Variants in RGS6 observed in about 807,000 individuals in gnomAD.
RGS6 encodes regulator of G-protein signaling 6.
RGS6 carries 30 observed loss-of-function variants against 78.5 expected under a neutral mutation model. The ratio of observed to expected loss-of-function variants is 0.38; its 90% confidence interval spans 0.29 to 0.52. The LOEUF (loss-of-function observed/expected upper bound fraction) is 0.52. Among genes scored for constraint, RGS6 ranks in the 20% least tolerant of loss-of-function variants. RGS6 has a pLI of 0.85. For synonymous variants in RGS6, 206 were observed against 206.0 expected, an observed-to-expected ratio of 1.00 and a Z score of 0.00; for missense variants, 495 against 609.7, an observed-to-expected ratio of 0.81 and a Z score of 1.98.
At chr14:72,231,604 A>C (rs1023326506) in intron 2 of RGS6, among the ~76,000 whole-genome samples, 2 of 152,294 alleles carry the variant, frequency 1.3e-5, no homozygotes, top group South Asian at 4.1e-4. Flanking sequence ...TGTTATGAAG[A>C]ATAGTAAAGC....
At chr14:72,580,256 T>C in the RGS6 span, among the ~76,000 whole-genome samples, 99 of 151,242 alleles carry the variant, frequency 6.5e-4, no homozygotes, top group Non-Finnish European at 1.1e-3. Context: ...ATGTCCTGCC[T>C]TGTGACTCAG....
the RGS6 span, among the ~76,000 whole-genome samples, chr14:72,581,261 T>G: frequency 6.6e-6 from 1 of 152,200 alleles, no homozygotes; most frequent in African/African-American, 2.4e-5. Context: ...TTGGGGTTCC[T>G]TGTCTTACTT....
intron 15 of RGS6, among the ~76,000 whole-genome samples, chr14:72,519,269 G>A (rs1200016648): frequency 6.6e-6 from 1 of 152,176 alleles, no homozygotes; most frequent in Admixed American, 6.5e-5. Flanking sequence ...ACGGCTGGGA[G>A]GTGCCATTTC....
At chr14:71,979,048 C>A (rs965607796) in intron 2 of RGS6, among the ~76,000 whole-genome samples, 1 of 151,486 alleles carries the variant, frequency 6.6e-6, no homozygotes, top group South Asian at 2.1e-4. Flanking sequence ...AGTTTATTTG[C>A]GTAGAGGTGT....
At chr14:72,321,896 C>G (rs2072184437) in intron 2 of RGS6, among the ~76,000 whole-genome samples, 1 of 151,954 alleles carries the variant, frequency 6.6e-6, no homozygotes, top group Non-Finnish European at 1.5e-5. Context: ...CCAGAACTGA[C>G]TATACTTTAG....
At chr14:72,163,747 G>A (rs1444206349) in intron 2 of RGS6, among the ~76,000 whole-genome samples, 2 of 152,110 alleles carry the variant, frequency 1.3e-5, no homozygotes, top group Admixed American at 1.3e-4. Flanking sequence ...GCCAGGTGTG[G>A]TGGCACTCAC....
intron 17 of RGS6, 29 bp downstream of exon 17, chr14:72,540,123 CT>C: frequency 6.4e-7 from 1 of 1,561,406 alleles, no homozygotes; most frequent in Non-Finnish European, 8.6e-7. Flanking sequence ...CTTCCCTCAG[CT>C]TTTCTTTTGG....
intron 2 of RGS6, among the ~76,000 whole-genome samples, chr14:72,314,772 A>C (rs1339097326): frequency 6.6e-6 from 1 of 152,238 alleles, no homozygotes; most frequent in Non-Finnish European, 1.5e-5. Context: ...GGAAATTTAA[A>C]ACAGGAAATA....
intron 2 of RGS6, among the ~76,000 whole-genome samples, chr14:72,005,171 A>C (rs1681582851): frequency 6.6e-6 from 1 of 152,232 alleles, no homozygotes; most frequent in African/African-American, 2.4e-5. Flanking sequence ...AGAAGCCATT[A>C]ATAAAATAGT....
chr14:72,413,681 G>A (rs2093598502), intron 3 of RGS6, among the ~76,000 whole-genome samples: 1 of 152,116 alleles, frequency 6.6e-6, no homozygotes, highest in Non-Finnish European at 1.5e-5. Context: ...TTACAATTTG[G>A]CATGTTTTTG....
intron 2 of RGS6, among the ~76,000 whole-genome samples, chr14:72,211,763 A>G (rs1255346553): frequency 1.3e-5 from 2 of 152,192 alleles, no homozygotes; most frequent in Admixed American, 6.5e-5. Flanking sequence ...TTAGGAAACC[A>G]TGTCCAGCCC....
At chr14:72,328,118 A>T (rs2074210027) in intron 2 of RGS6, among the ~76,000 whole-genome samples, 1 of 152,116 alleles carries the variant, frequency 6.6e-6, no homozygotes, top group Non-Finnish European at 1.5e-5. Flanking sequence ...CAAGGGAAGG[A>T]GGGAATTTAC....
the RGS6 span, among the ~76,000 whole-genome samples, chr14:71,880,408 G>T: frequency 6.6e-6 from 1 of 152,220 alleles, no homozygotes; most frequent in African/African-American, 2.4e-5. Flanking sequence ...GGGAATGTCA[G>T]AAGTCTTCAC....
chr14:72,222,922 G>A (rs1025506014), intron 2 of RGS6, among the ~76,000 whole-genome samples: 7 of 152,226 alleles, frequency 4.6e-5, no homozygotes, highest in African/African-American at 1.7e-4. Context: ...TATTTCCTGA[G>A]CAGTTTTATT....
At chr14:72,545,055 A>G (rs1363394177) in intron 17 of RGS6, among the ~76,000 whole-genome samples, 1 of 152,240 alleles carries the variant, frequency 6.6e-6, no homozygotes, top group Non-Finnish European at 1.5e-5. Flanking sequence ...ATGAGTTCCC[A>G]AATACCTAGA....
intron 2 of RGS6, among the ~76,000 whole-genome samples, chr14:72,075,869 A>G (rs1188621503): frequency 6.6e-6 from 1 of 152,176 alleles, no homozygotes; most frequent in Non-Finnish European, 1.5e-5. Context: ...CTAAAACCTC[A>G]TCAGTTGTCT....
At chr14:71,910,249 A>G in the RGS6 span, among the ~76,000 whole-genome samples, 1 of 152,144 alleles carries the variant, frequency 6.6e-6, no homozygotes, top group African/African-American at 2.4e-5. Flanking sequence ...AGCAGAGAAG[A>G]GCTCTCTCTG....
the RGS6 span, among the ~76,000 whole-genome samples, chr14:71,886,014 C>G: frequency 6.6e-6 from 1 of 151,280 alleles, no homozygotes; most frequent in African/African-American, 2.4e-5. Context: ...CCCTTTCCTT[C>G]TCTCCCTTGC....
chr14:72,303,708 A>G (rs906976608), intron 2 of RGS6, among the ~76,000 whole-genome samples: 2 of 152,168 alleles, frequency 1.3e-5, no homozygotes, highest in Admixed American at 6.6e-5. Flanking sequence ...TTCCTTCCCT[A>G]TAAAAATCTA....
Sources: allele counts gnomAD v4.1 joint callset (sites outside exome capture counted in the v4.1 genomes callset), GRCh38; gene constraint gnomAD v4.1.1; transcripts MANE v1.5; gene names NCBI Gene and HGNC (gene_info 2026-07-23, HGNC 2026-07-21).